DLG2: variants seen among roughly 807,000 people sequenced by gnomAD.
DLG2 encodes the protein disks large homolog 2.
Under a neutral mutation model 132.5 loss-of-function variants are expected in DLG2, and 45 were observed. That is an observed-to-expected ratio of 0.34 (90% CI 0.27 to 0.44). DLG2 has a LOEUF of 0.44. Ranked by LOEUF, DLG2 falls within the 20% of genes least tolerant of loss-of-function variation. The pLI, the probability that DLG2 is intolerant of heterozygous loss-of-function variation, is 1.00. For missense variants in DLG2, 1,045 were observed against 1,196.9 expected, an observed-to-expected ratio of 0.87 and a Z score of 1.87; for synonymous variants, 424 against 419.6, an observed-to-expected ratio of 1.01 and a Z score of -0.13.
At chr11:83,906,559 G>A (rs2075023247) in intron 15 of DLG2, among the ~76,000 whole-genome samples, 1 of 151,928 alleles carries the variant, frequency 6.6e-6, no homozygotes, top group Admixed American at 6.6e-5. Context: ...GTGTGATGTG[G>A]GTAGAACACA....
In DLG2 at chr11:85,141,644, G is replaced by C. The variant is rs149192430; in HGVS notation, c.282+12912C>G. Among the ~76,000 whole-genome samples the C allele has an allele frequency of 2.0e-5, 3 of 151,908 alleles. No individual in the cohort carries two copies. The East Asian group carries it at 5.8e-4, about 29-fold the overall frequency. On this transcript the variant is annotated intron_variant, in intron 5 of 27. Coordinates refer to ENST00000376104, the MANE Select transcript of DLG2 (RefSeq NM_001142699.3). The stretch of plus-strand genomic sequence containing the variant: ...AATTTTTGCCCAGACCAATGTCCTA[G>C]AGAGTTTCTTCAGAGTTTTCTTTCA...
At chr11:83,799,102 T>C (rs548823110) in intron 17 of DLG2, among the ~76,000 whole-genome samples, 3 of 152,220 alleles carry the variant, frequency 2.0e-5, no homozygotes, top group Non-Finnish European at 4.4e-5. Flanking sequence ...AACTAACAAA[T>C]AGAATAAACA....
intron 7 of DLG2, among the ~76,000 whole-genome samples, chr11:84,339,722 C>T (rs560513001): frequency 2.0e-5 from 3 of 152,268 alleles, no homozygotes; most frequent in South Asian, 4.1e-4. Flanking sequence ...AGCATCTCCC[C>T]ATGGAAGTAG....
chr11:84,332,282 G>C (rs1284840175), intron 7 of DLG2, among the ~76,000 whole-genome samples: 2 of 150,698 alleles, frequency 1.3e-5, no homozygotes, highest in Middle Eastern at 6.9e-3. Flanking sequence ...CGCGATCTTG[G>C]CTCACTGCAA....
chr11:84,907,690 C>G (rs2091668876), intron 6 of DLG2, among the ~76,000 whole-genome samples: 1 of 152,084 alleles, frequency 6.6e-6, no homozygotes, highest in Non-Finnish European at 1.5e-5. Context: ...TCCTCTGGGA[C>G]CACTTAGAAC....
chr11:85,407,434 T>C (rs1357442630), intron 3 of DLG2, among the ~76,000 whole-genome samples: 4 of 151,814 alleles, frequency 2.6e-5, no homozygotes, highest in African/African-American at 4.8e-5. Context: ...TACCCAAGCC[T>C]AAATTTCTTC....
intron 6 of DLG2, among the ~76,000 whole-genome samples, chr11:85,082,066 A>G (rs184449940): frequency 1.9e-3 from 295 of 152,164 alleles, no homozygotes; most frequent in African/African-American, 6.8e-3. Flanking sequence ...AAAATGGGCA[A>G]TTTCTCCTGT....
intron 15 of DLG2, among the ~76,000 whole-genome samples, chr11:83,896,286 C>T (rs920479886): frequency 2.0e-5 from 3 of 152,138 alleles, no homozygotes; most frequent in African/African-American, 7.2e-5. Flanking sequence ...AAATAGCAGC[C>T]ATAAAAGTTA....
At chr11:84,360,229 A>G (rs1324754414) in intron 7 of DLG2, among the ~76,000 whole-genome samples, 1 of 151,902 alleles carries the variant, frequency 6.6e-6, no homozygotes, top group African/African-American at 2.4e-5. Flanking sequence ...AAGAAATCCA[A>G]TTCTAAAAAA....
chr11:83,895,889 AC>A (rs1398883822), intron 15 of DLG2, among the ~76,000 whole-genome samples: 1 of 152,280 alleles, frequency 6.6e-6, no homozygotes, highest in African/African-American at 2.4e-5. Flanking sequence ...TAACCATTGT[AC>A]CCCCAACCCC....
chr11:84,343,760 T>C (rs926839293), intron 7 of DLG2, among the ~76,000 whole-genome samples: 3 of 152,220 alleles, frequency 2.0e-5, no homozygotes, highest in African/African-American at 4.8e-5. Context: ...GAAGGTATTA[T>C]TGTTGTCACT....
At chr11:85,223,024 C>G (rs1169510632) in intron 4 of DLG2, among the ~76,000 whole-genome samples, 2 of 152,188 alleles carry the variant, frequency 1.3e-5, no homozygotes, top group Non-Finnish European at 2.9e-5. Flanking sequence ...GAACCTAAAG[C>G]AGCAGTCCAG....
At chr11:84,223,170 T>G (rs1380552547) in intron 8 of DLG2, among the ~76,000 whole-genome samples, 1 of 152,206 alleles carries the variant, frequency 6.6e-6, no homozygotes, top group Non-Finnish European at 1.5e-5. Context: ...GGATTTGTCA[T>G]GCTTCCTTGT....
At chr11:83,928,306 A>G (rs549099449) in intron 15 of DLG2, among the ~76,000 whole-genome samples, 4 of 152,114 alleles carry the variant, frequency 2.6e-5, no homozygotes, top group Admixed American at 6.5e-5. Flanking sequence ...TGAAAAATAA[A>G]TAACTATGGT....
chr11:83,641,864 T>A (rs1203434878), intron 18 of DLG2, among the ~76,000 whole-genome samples: 1 of 4,090 alleles, frequency 2.4e-4, no homozygotes, highest in African/African-American at 2.6e-4. Flanking sequence ...AGAGAGGGAG[T>A]GTGTGTGTGT....
chr11:83,869,424 A>G (rs894695452), intron 16 of DLG2, among the ~76,000 whole-genome samples: 5 of 152,204 alleles, frequency 3.3e-5, no homozygotes, highest in Admixed American at 6.5e-5. Flanking sequence ...GCTCAGGCTC[A>G]GAACACCAGA....
chr11:83,947,141 A>G (rs2084205455), intron 14 of DLG2, among the ~76,000 whole-genome samples: 1 of 152,198 alleles, frequency 6.6e-6, no homozygotes, highest in Admixed American at 6.5e-5. Flanking sequence ...GGTCTACAAA[A>G]ATAACCACTG....
chr11:83,918,533 A>G (rs967111929), intron 15 of DLG2, among the ~76,000 whole-genome samples: 15 of 152,202 alleles, frequency 9.9e-5, no homozygotes, highest in African/African-American at 3.4e-4. Flanking sequence ...AACAACAGAA[A>G]CGTCCATGTT....
At chr11:84,772,188 C>T (rs567521260) in intron 6 of DLG2, among the ~76,000 whole-genome samples, 87 of 152,008 alleles carry the variant, frequency 5.7e-4, no homozygotes, top group African/African-American at 9.9e-4. Flanking sequence ...AAGGGCATTA[C>T]GTAATGATAA....
Sources: gnomAD v4.1 joint callset for allele counts (sites outside exome capture counted in the v4.1 genomes callset) on GRCh38, gnomAD v4.1.1 for gene constraint, MANE v1.5 for transcripts, NCBI Gene and HGNC (gene_info 2026-07-23, HGNC 2026-07-21) for gene names.